CDH13: variants seen among roughly 807,000 people sequenced by gnomAD.
The protein encoded by CDH13 is cadherin-13.
Under a neutral mutation model 63.8 loss-of-function variants are expected in CDH13, and 24 were observed. That is an observed-to-expected ratio of 0.38 (90% confidence interval 0.27 to 0.53). CDH13 has a LOEUF of 0.53. CDH13 is among the 20% of genes least tolerant of loss of function. The pLI, the probability that CDH13 is intolerant of heterozygous loss-of-function variation, is 0.85. For missense variants in CDH13, 1,049 were observed against 903.1 expected, an observed-to-expected ratio of 1.16 and a Z score of -2.07; for synonymous variants, 503 against 355.3, an observed-to-expected ratio of 1.42 and a Z score of -4.67.
At chr16:83,523,327 T>C (rs1040245208) in intron 7 of CDH13, among the ~76,000 whole-genome samples, 21 of 152,364 alleles carry the variant, frequency 1.4e-4, no homozygotes, top group African/African-American at 5.1e-4. Flanking sequence ...GAAAGCAAGG[T>C]TGTCTGGCAG....
intron 2 of CDH13, among the ~76,000 whole-genome samples, chr16:82,897,088 G>C: frequency 6.6e-6 from 1 of 152,088 alleles, no homozygotes; most frequent in Non-Finnish European, 1.5e-5. Context: ...CCACACTGCT[G>C]TGCAATTCTA....
chr16:82,730,873 C>G (rs1184783621), intron 1 of CDH13, among the ~76,000 whole-genome samples: 1 of 152,100 alleles, frequency 6.6e-6, no homozygotes, highest in African/African-American at 2.4e-5. Context: ...TTAAATACAG[C>G]TATCATTAAA....
At chr16:83,142,654 C>G (rs576904248) in intron 4 of CDH13, among the ~76,000 whole-genome samples, 9 of 152,298 alleles carry the variant, frequency 5.9e-5, no homozygotes, top group African/African-American at 1.9e-4. Context: ...GATTATGCAG[C>G]AAACCCCAAG....
chr16:83,500,543 C>G (rs1598164302), intron 7 of CDH13, among the ~76,000 whole-genome samples: 1 of 2,244 alleles, frequency 4.5e-4, no homozygotes, highest in Non-Finnish European at 7.0e-4. Context: ...TCCTCCCTCT[C>G]CCTCCTCCTC....
chr16:83,453,390 A>C (rs1212820078), intron 6 of CDH13, among the ~76,000 whole-genome samples: 1 of 152,208 alleles, frequency 6.6e-6, no homozygotes, highest in Non-Finnish European at 1.5e-5. Context: ...AAATAAAATG[A>C]AAAACAACAT....
At chr16:83,119,961 A>G (rs1013024875) in intron 3 of CDH13, among the ~76,000 whole-genome samples, 13 of 152,246 alleles carry the variant, frequency 8.5e-5, no homozygotes, top group Non-Finnish European at 1.6e-4. Context: ...ACGCAGAGCC[A>G]TGGATAAATA....
intron 4 of CDH13, among the ~76,000 whole-genome samples, chr16:83,155,673 A>T (rs1269768400): frequency 1.3e-5 from 2 of 152,144 alleles, no homozygotes; most frequent in South Asian, 2.1e-4. Context: ...ACCCTGTCCT[A>T]GGCTAGATAT....
chr16:82,697,257 C>T (rs1000689682), intron 1 of CDH13, among the ~76,000 whole-genome samples: 1 of 152,000 alleles, frequency 6.6e-6, no homozygotes, highest in Non-Finnish European at 1.5e-5. Flanking sequence ...ATTCATGATT[C>T]AGTTTTAAGG....
chr16:83,210,484 C>T (rs2039308916), intron 4 of CDH13, among the ~76,000 whole-genome samples: 1 of 151,976 alleles, frequency 6.6e-6, no homozygotes, highest in Non-Finnish European at 1.5e-5. Flanking sequence ...AACATGGAGG[C>T]CAGGGAAGAG....
At chr16:82,733,937 T>C (rs11150492) in intron 1 of CDH13, among the ~76,000 whole-genome samples, 53,493 of 152,132 alleles carry the variant, frequency 0.35, 9,971 homozygotes, top group South Asian at 0.44. Context: ...ATCCCTGCCT[T>C]GATGGCACTT....
chr16:83,583,241 C>T (rs570825529), intron 7 of CDH13, among the ~76,000 whole-genome samples: 64 of 152,282 alleles, frequency 4.2e-4, no homozygotes, highest in African/African-American at 1.5e-3. Context: ...CATCTCGTCT[C>T]CAGATCTTTA....
chr16:83,106,536 A>G (rs2034774322), intron 3 of CDH13, among the ~76,000 whole-genome samples: 1 of 152,176 alleles, frequency 6.6e-6, no homozygotes, highest in African/African-American at 2.4e-5. Flanking sequence ...GCGAGACTCC[A>G]CCTCAAACAA....
intron 5 of CDH13, among the ~76,000 whole-genome samples, chr16:83,272,150 G>A (rs910770915): frequency 6.6e-5 from 10 of 152,142 alleles, no homozygotes; most frequent in Admixed American, 6.6e-4. Flanking sequence ...CACCACTGGG[G>A]ATGCAATGGC....
chr16:82,712,744 T>C (rs534659466), intron 1 of CDH13, among the ~76,000 whole-genome samples: 267 of 152,320 alleles, frequency 1.8e-3, no homozygotes, highest in African/African-American at 6.3e-3. Context: ...TCTTGACTGT[T>C]CGCATAGCCT....
At chr16:83,260,635 G>A (rs552921918) in intron 5 of CDH13, among the ~76,000 whole-genome samples, 49 of 152,244 alleles carry the variant, frequency 3.2e-4, no homozygotes, top group African/African-American at 9.1e-4. Flanking sequence ...CCCAAAGTGC[G>A]TTAGGCCATA....
chr16:83,591,824 T>G (rs1906784268), intron 7 of CDH13, among the ~76,000 whole-genome samples: 1 of 152,204 alleles, frequency 6.6e-6, no homozygotes, highest in African/African-American at 2.4e-5. Context: ...AGAGCGTACT[T>G]TTTCTTGTCC....
chr16:82,786,097 C>T (rs547349473), intron 1 of CDH13, among the ~76,000 whole-genome samples: 18 of 152,202 alleles, frequency 1.2e-4, no homozygotes, highest in Non-Finnish European at 2.5e-4. Context: ...TTAGGGTGAG[C>T]AAGTGATCAG....
intron 5 of CDH13, among the ~76,000 whole-genome samples, chr16:83,246,315 T>C (rs999095624): frequency 6.6e-6 from 1 of 152,150 alleles, no homozygotes; most frequent in South Asian, 2.1e-4. Context: ...CAAATTATAA[T>C]TTTCCCCCTG....
intron 5 of CDH13, among the ~76,000 whole-genome samples, chr16:83,278,873 G>C (rs554695091): frequency 6.6e-6 from 1 of 152,232 alleles, no homozygotes; most frequent in African/African-American, 2.4e-5. Flanking sequence ...GAGGGGAAAG[G>C]GCAGGATGTT....
Sources: allele counts gnomAD v4.1 joint callset (sites outside exome capture counted in the v4.1 genomes callset), GRCh38; gene constraint gnomAD v4.1.1; transcripts MANE v1.5; gene names NCBI Gene and HGNC (gene_info 2026-07-23, HGNC 2026-07-21).